Variants in RPL9 observed in about 807,000 individuals in gnomAD.
RPL9 encodes the protein large ribosomal subunit protein uL6.
For missense variants in RPL9, 149 were observed against 236.7 expected (o/e 0.63, Z 2.43); for synonymous variants, 82 against 77.1 (o/e 1.06, Z -0.33).
At position 39,458,898 on chromosome 4, in the gene RPL9, T is replaced by G. The variant is rs774055448; in HGVS notation, c.-9A>C. ...GCACAGAAACATCCTTACCTCGCAG[T>G]AGACGCAGCAAAGAAAGAACGTCTG... On this transcript the variant is annotated 5_prime_UTR_variant, in exon 1 of 8. Coordinates refer to ENST00000295955, the MANE Select transcript of RPL9 (RefSeq NM_000661.5). The G allele has an allele frequency of 9.2e-5, 65 of 704,432 alleles. 1 individual carries two copies. The highest frequency in any genetic ancestry group is 1.6e-4 in the Non-Finnish European group (60 of 386,748). The allele number at this position is 704,432 out of a possible 1,614,324, so 43.6% of individuals were successfully genotyped here. A position where few individuals can be genotyped will look rare whatever the true frequency, so the allele number is the denominator to read the frequency against.
chr4:39,458,655 C>T (rs894322420), intron 1 of RPL9: 1 of 623,652 alleles, frequency 1.6e-6, no homozygotes, highest in African/African-American at 1.8e-5. Flanking sequence ...AACTCCCACT[C>T]AGCCCAACCC....
rs555532986 is a variant in RPL9 at position 39,454,856 on chromosome 4, A to G, written c.472+8T>C. On this transcript the variant is annotated splice_region_variant and intron_variant, in intron 6 of 7. Transcript: ENST00000295955. ...GTAGGCATAGTTAGACATAGTAAAC[A>G]TACAAACCTGAATTTGAAACAAGCT... The G allele has an allele frequency of 4.3e-6, 7 of 1,613,054 alleles. No homozygotes were observed. Among genetic ancestry groups the G allele is most frequent in the Middle Eastern group, 1.8e-4 (1 of 5,690 alleles).
chr4:39,455,926 C>A, intron 5 of RPL9: 2 of 189,544 alleles, frequency 1.1e-5, no homozygotes, highest in South Asian at 9.3e-5. Flanking sequence ...ACAGTGAGAG[C>A]TGAAATTTAC....
chr4:39,455,663 G>T (rs1404098412), intron 5 of RPL9: 1 of 152,764 alleles, frequency 6.5e-6, no homozygotes, highest in African/African-American at 2.4e-5. Context: ...GCCAGCTAGT[G>T]GGGAGGCTGA....
Position 39,454,297 on chromosome 4 carries a change from T to C in RPL9, c.*11-72A>G, listed in dbSNP as rs80193495. ...CCCAGGAAAGTACTAATCTTTTTTC[T>C]GTACTATTCTAAATAATCTAAAACA... On this transcript the variant is annotated intron_variant, in intron 7 of 7. Coordinates refer to ENST00000295955, the MANE Select transcript of RPL9 (RefSeq NM_000661.5). 3.2e-3 allele frequency: 1,094 copies of C among 342,376 alleles called. 10 individuals are homozygous for C. Among genetic ancestry groups the C allele is most frequent in the African/African-American group, 0.021 (1,003 of 46,876 alleles). 21.2% of individuals were successfully genotyped at this position (342,376 alleles called of 1,614,324 possible). A position where few individuals can be genotyped will look rare whatever the true frequency, so the allele number is the denominator to read the frequency against.
chr4:39,458,919 G>T lies in RPL9; in HGVS notation c.-30C>A. 2 of 714,708 alleles carry T rather than the reference G, an allele frequency of 2.8e-6. No homozygotes were observed. Among genetic ancestry groups the T allele is most frequent in the East Asian group, 5.3e-5 (2 of 37,412 alleles). The allele number at this position is 714,708 out of a possible 1,614,324, so 44.3% of individuals were successfully genotyped here. ...GCAGTAGACGCAGCAAAGAAAGAACGTCTGTCGTCATTACGTACTTGTATC... is the reference window on the plus strand; with the variant it reads ...GCAGTAGACGCAGCAAAGAAAGAACTTCTGTCGTCATTACGTACTTGTATC... On this transcript the variant is annotated 5_prime_UTR_variant, in exon 1 of 8. Transcript: ENST00000295955.
intron 6 of RPL9, 107 bp from the exon 7 acceptor site, chr4:39,454,756 T>C: frequency 6.9e-7 from 1 of 1,453,918 alleles, no homozygotes; most frequent in Non-Finnish European, 9.4e-7. Context: ...ACCTTTTTAT[T>C]TTCACAATTT....
Position 39,454,930 on chromosome 4 carries a change from C to T in RPL9, c.406G>A (p.Val136Ile). The change falls in exon 6 of 8, where the codon GTA (valine) becomes ATA (isoleucine). Residue 136 changes from valine (V) to isoleucine (I), a missense_variant. Val to Ile is a conservative substitution (Grantham distance 29). Coordinates refer to ENST00000295955, the MANE Select transcript of RPL9 (RefSeq NM_000661.5). ...VRMRPGVACS[V>I]SQAQKDELIL... ...AATTCATCTTTCTGGGCTTGAGATA[C>T]TGAACAAGCAACACCTAAAAGGGGA... 6.2e-7 allele frequency: 1 copy of T among 1,613,786 alleles called. No individual in the cohort carries two copies. Among genetic ancestry groups the T allele is most frequent in the Non-Finnish European group, 8.5e-7 (1 of 1,179,856 alleles).
chr4:39,458,124 C>T (rs1482570933), intron 3 of RPL9, 70 bp downstream of exon 3: 13 of 1,480,522 alleles, frequency 8.8e-6, no homozygotes, highest in Non-Finnish European at 1.2e-5. Flanking sequence ...ATTGTTAAAG[C>T]AACCAAATGT....
Position 39,458,401 on chromosome 4 carries a change from T to C in RPL9, c.39A>G (p.Pro13=). 2 of 1,614,246 alleles carry C rather than the reference T, an allele frequency of 1.2e-6. No individual in the cohort carries two copies. The highest frequency in any genetic ancestry group is 1.3e-5 in the African/African-American group (1 of 75,070). The part of the protein sequence containing the change: ...TILSNQTVDI[P]ENVDITLKGR... ...AGACATCAAGTCTCATACCATTTTCTGGAATGTCGACAGTCTGATTGCTGA... is the reference window on the plus strand; with the variant it reads ...AGACATCAAGTCTCATACCATTTTCCGGAATGTCGACAGTCTGATTGCTGA... The change falls in exon 2 of 8, where the codon CCA becomes CCG. Residue 13 remains proline, a synonymous_variant. Transcript: ENST00000295955.
rs1368313967 is a variant in RPL9, at chr4:39,458,462, T to G, written c.-1-22A>C. 4.3e-6 allele frequency: 7 copies of G among 1,613,142 alleles called. No individual in the cohort carries two copies. The Admixed American group carries it at 8.3e-5, about 19-fold the overall frequency. The stretch of plus-strand genomic sequence containing the variant: ...CATTCTGAAACACAAACACTGGGGG[T>G]GAGGCCGACGCAAGGCCCGTTTTTC... On this transcript the variant is annotated intron_variant, in intron 1 of 7. Transcript: ENST00000295955.
At chr4:39,454,332 A>G (rs1744003932) in intron 7 of RPL9, 107 bp from the exon 8 acceptor site, 1 of 513,600 alleles carries the variant, frequency 1.9e-6, no homozygotes, top group Non-Finnish European at 3.4e-6. Context: ...ATACCTCAAG[A>G]CTATGACTTA....
intron 5 of RPL9, among the ~76,000 whole-genome samples, chr4:39,455,495 G>A (rs1229723977): frequency 6.6e-6 from 1 of 151,084 alleles, no homozygotes; most frequent in Non-Finnish European, 1.5e-5. Context: ...TTCAAGACCA[G>A]CCTGGACAAC....
intron 1 of RPL9, 139 bp from the exon 2 acceptor site, chr4:39,458,579 G>A: frequency 1.2e-6 from 1 of 853,964 alleles, no homozygotes; most frequent in Admixed American, 2.4e-5. Context: ...GACCGACAGC[G>A]GGCCCCAGTG....
intron 3 of RPL9, 113 bp from the exon 4 acceptor site, chr4:39,457,794 G>A: frequency 2.2e-6 from 2 of 923,884 alleles, no homozygotes; most frequent in Non-Finnish European, 1.7e-6. Flanking sequence ...AAAGCACATG[G>A]TTTTCAACTG....
chr4:39,456,780 T>C (rs1744103448), intron 4 of RPL9: 1 of 452,262 alleles, frequency 2.2e-6, no homozygotes, highest in African/African-American at 2.0e-5. Flanking sequence ...CTGCCTTCTT[T>C]TAATGAGAAC....
chr4:39,456,464 A>G lies in RPL9; in HGVS notation c.333T>C (p.Leu111=). Residue 111 remains leucine (L), a synonymous_variant, in exon 5 of 8, where the codon CTT becomes CTC. Transcript: ENST00000295955. ...INVVIQENGS[L]VEIRNFLGEK... Reference sequence around the variant, plus strand: ...CACCCAAGAAATTTCGGATTTCAACAAGAGACCCATTCTCCTGGATAACAA... The same window carrying G: ...CACCCAAGAAATTTCGGATTTCAACGAGAGACCCATTCTCCTGGATAACAA... The G allele has an allele frequency of 1.2e-6, 2 of 1,614,160 alleles. No homozygotes were observed. Among genetic ancestry groups the G allele is most frequent in the Middle Eastern group, 3.3e-4 (2 of 6,062 alleles).
rs1010941923 is a variant in RPL9 at position 39,458,218 on chromosome 4, G to A, written c.138C>T (p.Ser46=). 5 of 1,614,022 alleles carry A rather than the reference G, an allele frequency of 3.1e-6. No individual in the cohort carries two copies. The highest frequency in any genetic ancestry group is 3.4e-6 in the Non-Finnish European group (4 of 1,179,974). Residue 46 remains serine, a synonymous_variant, in exon 3 of 8, where the codon AGC becomes AGT. Coordinates refer to ENST00000295955, the MANE Select transcript of RPL9 (RefSeq NM_000661.5). ...CCCTCTTTTTTTTCTTTCCAAGAAGGCTGAGTTCTACATTGATGTGATTGA... is the reference window on the plus strand; with the variant it reads ...CCCTCTTTTTTTTCTTTCCAAGAAGACTGAGTTCTACATTGATGTGATTGA... ...RDFNHINVEL[S]LLGKKKKRLR...
At chr4:39,457,976 C>G in intron 3 of RPL9, 1 of 686,392 alleles carries the variant, frequency 1.5e-6, no homozygotes, top group East Asian at 2.8e-5. Flanking sequence ...ACCATTAAGA[C>G]GTGTCACTGA....
Sources: gnomAD v4.1 joint callset for allele counts (sites outside exome capture counted in the v4.1 genomes callset) on GRCh38, gnomAD v4.1.1 for gene constraint, MANE v1.5 for transcripts, NCBI Gene and HGNC (gene_info 2026-07-23, HGNC 2026-07-21) for gene names.